OPCML: variants seen among roughly 807,000 people sequenced by gnomAD.
OPCML encodes the protein opioid binding protein/cell adhesion molecule like.
Under a neutral mutation model 37.8 loss-of-function variants are expected in OPCML, and 13 were observed. The ratio of observed to expected loss-of-function variants is 0.34; its 90% confidence interval spans 0.22 to 0.55. The LOEUF (loss-of-function observed/expected upper bound fraction) is 0.55, where lower values mean the gene tolerates loss of function less well. Among genes scored for constraint, OPCML ranks in the 20% least tolerant of loss-of-function variants. The pLI is 0.91. For synonymous variants in OPCML, 176 were observed against 168.8 expected, an observed-to-expected ratio of 1.04 and a Z score of -0.33; for missense variants, 341 against 435.6, an observed-to-expected ratio of 0.78 and a Z score of 1.93.
intron 3 of OPCML, among the ~76,000 whole-genome samples, chr11:132,594,660 A>G (rs1444553662): frequency 6.6e-6 from 1 of 152,212 alleles, no homozygotes; most frequent in Non-Finnish European, 1.5e-5. Context: ...TAAGTTTTCA[A>G]AGGGATGGGC....
intron 2 of OPCML, among the ~76,000 whole-genome samples, chr11:132,808,051 C>A (rs977910209): frequency 6.6e-6 from 1 of 152,108 alleles, no homozygotes; most frequent in African/African-American, 2.4e-5. Context: ...TTTGATCAAG[C>A]TACATGAAAT....
intron 1 of OPCML, among the ~76,000 whole-genome samples, chr11:133,108,857 G>A (rs775141571): frequency 2.6e-4 from 39 of 152,068 alleles, no homozygotes; most frequent in Admixed American, 3.9e-4. Context: ...AACCACACCA[G>A]ACAGGGAAAC....
intron 2 of OPCML, among the ~76,000 whole-genome samples, chr11:132,903,699 G>T (rs909948684): frequency 3.3e-5 from 5 of 152,162 alleles, no homozygotes; most frequent in Non-Finnish European, 7.3e-5. Flanking sequence ...GAAGGGGTCA[G>T]TCCATCATCA....
At chr11:133,491,611 G>T (rs1488087423) in intron 1 of OPCML, among the ~76,000 whole-genome samples, 1 of 152,178 alleles carries the variant, frequency 6.6e-6, no homozygotes, top group East Asian at 1.9e-4. Context: ...CATAAGCTAT[G>T]CGAGGAATCC....
chr11:132,532,254 GCT>G (rs2096327685), intron 3 of OPCML, among the ~76,000 whole-genome samples: 1 of 152,114 alleles, frequency 6.6e-6, no homozygotes, highest in Non-Finnish European at 1.5e-5. Context: ...AGTGTTGTCT[GCT>G]TTCCTCTGTA....
At chr11:132,920,314 G>T (rs551026259) in intron 2 of OPCML, among the ~76,000 whole-genome samples, 1 of 152,310 alleles carries the variant, frequency 6.6e-6, no homozygotes, top group Admixed American at 6.5e-5. Flanking sequence ...GACAAAAGGA[G>T]ACTCATGCAA....
chr11:132,456,118 G>A (rs2096082058), intron 4 of OPCML, among the ~76,000 whole-genome samples: 1 of 152,046 alleles, frequency 6.6e-6, no homozygotes. Context: ...GTCTCTCCTC[G>A]CTTTCTCTAA....
intron 1 of OPCML, among the ~76,000 whole-genome samples, chr11:133,458,061 G>T (rs1016782775): frequency 6.6e-6 from 1 of 151,806 alleles, no homozygotes; most frequent in Non-Finnish European, 1.5e-5. Context: ...CAGTAGAATC[G>T]CTTGAACCCA....
At chr11:133,334,264 C>G (rs915152137) in intron 1 of OPCML, among the ~76,000 whole-genome samples, 2 of 151,782 alleles carry the variant, frequency 1.3e-5, no homozygotes, top group African/African-American at 2.4e-5. Flanking sequence ...ATGACAGATA[C>G]GGATAAAGAA....
chr11:133,287,780 A>G (rs2136528584), intron 1 of OPCML, among the ~76,000 whole-genome samples: 1 of 152,268 alleles, frequency 6.6e-6, no homozygotes, highest in African/African-American at 2.4e-5. Context: ...AGGGCTGGCC[A>G]TTCAAAGAGC....
chr11:133,247,414 C>T (rs932549729), intron 1 of OPCML, among the ~76,000 whole-genome samples: 4 of 152,156 alleles, frequency 2.6e-5, no homozygotes, highest in Non-Finnish European at 5.9e-5. Flanking sequence ...TCTCCCTGTA[C>T]TGAGTTTACA....
chr11:132,856,425 C>A lies in OPCML; in HGVS notation c.146+86501G>T, dbSNP rs371639727. 4.6e-5 allele frequency among the ~76,000 whole-genome samples: 7 copies of A among 152,124 alleles called. No homozygotes were observed. In the East Asian group the frequency reaches 7.7e-4, roughly 17 times the overall value. On this transcript the variant is annotated intron_variant, in intron 2 of 7. Coordinates refer to ENST00000524381, the MANE Select transcript of OPCML (RefSeq NM_001012393.5). Reference sequence around the variant, plus strand: ...CATGAGGAGGACAGGAGAGGCCCCCCGCTCCAGGAATGTCAGGTGTCTATC... The same window carrying A: ...CATGAGGAGGACAGGAGAGGCCCCCAGCTCCAGGAATGTCAGGTGTCTATC...
chr11:132,881,734 A>C (rs1943232546), intron 2 of OPCML, among the ~76,000 whole-genome samples: 1 of 152,222 alleles, frequency 6.6e-6, no homozygotes, highest in African/African-American at 2.4e-5. Context: ...GTCTTTTCAA[A>C]TCAGCCTAAA....
At chr11:132,771,349 A>G (rs1946628536) in intron 2 of OPCML, among the ~76,000 whole-genome samples, 1 of 152,206 alleles carries the variant, frequency 6.6e-6, no homozygotes, top group South Asian at 2.1e-4. Context: ...AACAAAGCTC[A>G]CTGCAGGATG....
chr11:133,295,882 A>G (rs1354268330), intron 1 of OPCML, among the ~76,000 whole-genome samples: 2 of 152,242 alleles, frequency 1.3e-5, no homozygotes, highest in Non-Finnish European at 2.9e-5. Context: ...CAATAGTGCT[A>G]TATTTCATAT....
intron 2 of OPCML, among the ~76,000 whole-genome samples, chr11:132,687,142 C>G (rs1235868973): frequency 6.6e-6 from 1 of 151,664 alleles, no homozygotes; most frequent in Admixed American, 6.6e-5. Flanking sequence ...AGACAATTCC[C>G]TCAGGAAATC....
At chr11:133,170,359 G>A (rs564968190) in intron 1 of OPCML, among the ~76,000 whole-genome samples, 8 of 152,278 alleles carry the variant, frequency 5.3e-5, no homozygotes, top group South Asian at 2.1e-4. Context: ...GGTGGTGGGC[G>A]CCTGTAGTCC....
At chr11:133,422,788 T>C (rs1207430528) in intron 1 of OPCML, 1 of 902,816 alleles carries the variant, frequency 1.1e-6, no homozygotes, top group Non-Finnish European at 1.3e-6. Context: ...GATTTTTATA[T>C]TACAAAATAA....
chr11:133,382,442 C>T (rs1376405394), intron 1 of OPCML, among the ~76,000 whole-genome samples: 1 of 152,166 alleles, frequency 6.6e-6, no homozygotes, highest in African/African-American at 2.4e-5. Flanking sequence ...TCTCGTTCCC[C>T]ATCCCTGAGT....
Sources: allele counts gnomAD v4.1 joint callset (sites outside exome capture counted in the v4.1 genomes callset), GRCh38; gene constraint gnomAD v4.1.1; transcripts MANE v1.5; gene names NCBI Gene and HGNC (gene_info 2026-07-23, HGNC 2026-07-21).